Variants in OGFOD3 observed in about 807,000 individuals in gnomAD.
The protein encoded by OGFOD3 is 2-oxoglutarate and iron dependent oxygenase domain containing 3.
Under a neutral mutation model 39.8 loss-of-function variants are expected in OGFOD3, and 35 were observed. That is an observed-to-expected ratio of 0.88 (90% CI 0.67 to 1.17). The LOEUF is 1.17. Among genes scored for constraint, OGFOD3 ranks in the 50% most tolerant of loss-of-function variants. The probability of loss-of-function intolerance (pLI) is 0.00; values close to 1 mark genes in which losing one functional copy is unlikely to be tolerated. For synonymous variants in OGFOD3, 200 were observed against 192.0 expected, an observed-to-expected ratio of 1.04 and a Z score of -0.34; for missense variants, 438 against 454.5, an observed-to-expected ratio of 0.96 and a Z score of 0.33.
intron 2 of OGFOD3, among the ~76,000 whole-genome samples, chr17:82,411,975 G>A (rs1290773581): frequency 6.8e-6 from 1 of 147,636 alleles, no homozygotes; most frequent in Non-Finnish European, 1.5e-5. Flanking sequence ...GCCACCAGAG[G>A]GGGGAACCCT....
chr17:82,397,068 C>T (rs529425339), intron 8 of OGFOD3, among the ~76,000 whole-genome samples: 1 of 152,194 alleles, frequency 6.6e-6, no homozygotes, highest in South Asian at 2.1e-4. Flanking sequence ...GCAGCTCAGG[C>T]CACCTGCCAC....
chr17:82,412,380 C>T (rs1299360168), intron 2 of OGFOD3, among the ~76,000 whole-genome samples: 1 of 72,590 alleles, frequency 1.4e-5, no homozygotes, highest in Admixed American at 1.4e-4. Context: ...GCATGGTTAT[C>T]GGGGCAGGGG....
intron 7 of OGFOD3, among the ~76,000 whole-genome samples, chr17:82,402,809 C>T (rs1046701137): frequency 6.6e-6 from 1 of 151,598 alleles, no homozygotes; most frequent in African/African-American, 2.4e-5. Flanking sequence ...AATCCCAGCA[C>T]CTTGGGAGGC....
intron 8 of OGFOD3, among the ~76,000 whole-genome samples, chr17:82,394,908 C>T (rs899048206): frequency 2.6e-5 from 4 of 152,254 alleles, no homozygotes. Context: ...AATATCATCA[C>T]ACATCACTGC....
In OGFOD3 at chr17:82,401,269, G is replaced by A. The variant is rs192570602; in HGVS notation, c.699+2668C>T. 2.9e-3 allele frequency: 441 copies of A among 149,852 alleles called. 4 individuals carry two copies. The highest frequency in any genetic ancestry group is 0.01 in the African/African-American group (407 of 40,686). 9.3% of individuals were successfully genotyped at this position (149,852 alleles called of 1,614,324 possible). A position where few individuals can be genotyped will look rare whatever the true frequency, so the allele number is the denominator to read the frequency against. The stretch of plus-strand genomic sequence containing the variant: ...TGCCATTCTCCTGCCTCAGCCTCCC[G>A]AGTAGCTGGGACTACAGGCGCCCGC... On this transcript the variant is annotated intron_variant, in intron 7 of 8. Coordinates refer to ENST00000313056, the MANE Select transcript of OGFOD3 (RefSeq NM_024648.3).
chr17:82,392,135 T>C lies in OGFOD3; in HGVS notation c.*263A>G, dbSNP rs568656417. ...CCGTCCATTCACAGATGGGGACTTGTGCCCCGTCCTGCTGGGTCCCTTTCC... is the reference window on the plus strand; with the variant it reads ...CCGTCCATTCACAGATGGGGACTTGCGCCCCGTCCTGCTGGGTCCCTTTCC... On this transcript the variant is annotated 3_prime_UTR_variant, in exon 9 of 9. Coordinates refer to ENST00000313056, the MANE Select transcript of OGFOD3 (RefSeq NM_024648.3). The surrounding 1 kb of genome is among the most constrained non-coding windows in gnomAD (Gnocchi z 4.2). 2 of 527,954 alleles carry C rather than the reference T, an allele frequency of 3.8e-6. No homozygotes were observed. Among genetic ancestry groups the C allele is most frequent in the African/African-American group, 1.9e-5 (1 of 52,142 alleles). 32.7% of individuals were successfully genotyped at this position (527,954 alleles called of 1,614,324 possible).
chr17:82,412,623 G>C (rs902283799), intron 2 of OGFOD3, among the ~76,000 whole-genome samples: 2 of 151,836 alleles, frequency 1.3e-5, no homozygotes, highest in African/African-American at 4.8e-5. Flanking sequence ...TTTGGGGCAG[G>C]GTGGTCAGGG....
At chr17:82,399,598 C>T (rs2052731237) in intron 7 of OGFOD3, among the ~76,000 whole-genome samples, 1 of 152,228 alleles carries the variant, frequency 6.6e-6, no homozygotes, top group Non-Finnish European at 1.5e-5. Context: ...CAGGCCGAAG[C>T]TCCGTCCCCA....
chr17:82,399,578 C>T (rs2052730917), intron 7 of OGFOD3, among the ~76,000 whole-genome samples: 3 of 152,216 alleles, frequency 2.0e-5, no homozygotes. Flanking sequence ...TCCAGAACAT[C>T]TCATCCTCCC....
chr17:82,398,469 G>T, intron 7 of OGFOD3, 150 bp from the exon 8 acceptor site: 1 of 919,580 alleles, frequency 1.1e-6, no homozygotes, highest in Non-Finnish European at 1.6e-6. Context: ...ATGCGATCTC[G>T]GCTCACTGCA....
intron 7 of OGFOD3, among the ~76,000 whole-genome samples, chr17:82,402,007 T>C (rs954155334): frequency 5.3e-5 from 8 of 152,068 alleles, no homozygotes; most frequent in Non-Finnish European, 1.2e-4. Flanking sequence ...GGGCTCACAG[T>C]GCCATTCAAC....
intron 8 of OGFOD3, among the ~76,000 whole-genome samples, chr17:82,397,444 C>T (rs1490858255): frequency 8.1e-5 from 8 of 98,170 alleles, no homozygotes; most frequent in Admixed American, 3.1e-4. Context: ...ATGGGTGAGG[C>T]AGTGGGGGGT....
intron 1 of OGFOD3, among the ~76,000 whole-genome samples, chr17:82,416,106 C>A (rs2053029928): frequency 6.6e-6 from 1 of 151,876 alleles, no homozygotes; most frequent in South Asian, 2.1e-4. Flanking sequence ...TGTGGTGGCA[C>A]ATGCCTGTAG....
In OGFOD3 at chr17:82,415,362, T is replaced by C. The variant is rs185266529; in HGVS notation, c.304+36A>G. ...CGCAGCCAATGTCCTTTAACCACAC[T>C]GAGTCTCATTTTAAAGTGTTGCTTT... is the stretch of plus-strand genomic sequence containing the variant. On this transcript the variant is annotated intron_variant, in intron 2 of 8. Coordinates refer to ENST00000313056, the MANE Select transcript of OGFOD3 (RefSeq NM_024648.3). The surrounding 1 kb of genome is among the most constrained non-coding windows in gnomAD (Gnocchi z 5.3). 974 of 1,587,204 alleles carry C rather than the reference T, an allele frequency of 6.1e-4. 5 individuals are homozygous for C. In the African/African-American group the frequency reaches 0.011, roughly 17 times the overall value.
chr17:82,398,922 C>T (rs66934566), intron 7 of OGFOD3, among the ~76,000 whole-genome samples: 29,520 of 143,714 alleles, frequency 0.21, 3,396 homozygotes, highest in South Asian at 0.37. Context: ...TCAGTCCACC[C>T]ACTTTGGCCT....
At position 82,404,031 on chromosome 17, in the gene OGFOD3, G is replaced by C; in HGVS notation, c.605C>G (p.Ser202Trp). ...GAAGGTGGGCTTGGTCAGATGCAGC[G>C]AGGATGCGCTGATGCCAAAAGCCTC... is the stretch of plus-strand genomic sequence containing the variant. ...IAEAFGISAS[S>W]LHLTKPTFFS... Residue 202 changes from serine to tryptophan, a missense_variant, in exon 7 of 9, where the codon TCG (serine) becomes TGG (tryptophan). By Grantham distance (177) the Ser-to-Trp change is radical (BLOSUM62 -3). Coordinates refer to ENST00000313056, the MANE Select transcript of OGFOD3 (RefSeq NM_024648.3). The surrounding 1 kb of genome is among the most constrained non-coding windows in gnomAD (Gnocchi z 4.5). 3.1e-6 allele frequency: 5 copies of C among 1,610,472 alleles called. No individual in the cohort carries two copies. Among genetic ancestry groups the C allele is most frequent in the Non-Finnish European group, 4.2e-6 (5 of 1,178,608 alleles).
chr17:82,394,029 G>T, intron 8 of OGFOD3: 1 of 152,116 alleles, frequency 6.6e-6, no homozygotes, highest in South Asian at 2.0e-4. Flanking sequence ...TCGCTCTGTT[G>T]CCCAGGCTGG....
chr17:82,394,454 T>C (rs1460532983), intron 8 of OGFOD3: 1 of 1,613,972 alleles, frequency 6.2e-7, no homozygotes, highest in South Asian at 1.1e-5. Flanking sequence ...GGAGGACACC[T>C]GACTCCAGCC....
intron 2 of OGFOD3, chr17:82,411,787 G>A: frequency 2.0e-6 from 1 of 505,840 alleles, no homozygotes; most frequent in Non-Finnish European, 3.5e-6. Context: ...CCCTGGGAAA[G>A]TCACAGAAAC....
Sources: gnomAD v4.1 joint callset for allele counts (sites outside exome capture counted in the v4.1 genomes callset) on GRCh38, gnomAD v4.1.1 for gene constraint, Gnocchi (gnomAD v3.1) non-coding constraint, MANE v1.5 for transcripts, NCBI Gene and HGNC (gene_info 2026-07-23, HGNC 2026-07-21) for gene names.